IQANK1: variants seen among roughly 807,000 people sequenced by gnomAD.
IQANK1 encodes the protein IQ motif and ankyrin repeat domain-containing protein 1.
Under a neutral mutation model 22.6 loss-of-function variants are expected in IQANK1, and 30 were observed. The observed-to-expected ratio is 1.33, with a 90% CI of 0.99 to 1.80. IQANK1 has a LOEUF of 1.80. Ranked by LOEUF, IQANK1 falls within the 40% of genes most tolerant of loss-of-function variation. The pLI is 0.00. For missense variants in IQANK1, 275 were observed against 235.2 expected, an observed-to-expected ratio of 1.17 and a Z score of -1.11; for synonymous variants, 122 against 99.6, an observed-to-expected ratio of 1.23 and a Z score of -1.34.
At chr8:143,781,136 A>G (rs1819790374) in intron 7 of IQANK1, among the ~76,000 whole-genome samples, 1 of 152,064 alleles carries the variant, frequency 6.6e-6, no homozygotes, top group Non-Finnish European at 1.5e-5. Flanking sequence ...TATTTTGAAA[A>G]GTGTCTGTTC....
intron 3 of IQANK1, among the ~76,000 whole-genome samples, chr8:143,756,810 A>AT (rs1235448939): frequency 3.4e-5 from 5 of 146,080 alleles, no homozygotes; most frequent in East Asian, 4.8e-4. Context: ...TACTAAAAAA[A>AT]TTAAAAAAAA....
At chr8:143,743,289 A>C (rs1818961489) in intron 3 of IQANK1, among the ~76,000 whole-genome samples, 1 of 151,838 alleles carries the variant, frequency 6.6e-6, no homozygotes, top group Non-Finnish European at 1.5e-5. Context: ...TTCAGGGGCT[A>C]TTCCCAGGTG....
At chr8:143,756,521 C>T (rs370105842) in intron 3 of IQANK1, among the ~76,000 whole-genome samples, 16 of 152,182 alleles carry the variant, frequency 1.1e-4, no homozygotes, top group East Asian at 9.6e-4. Context: ...TCATGGTACT[C>T]GGTGTACCAT....
At chr8:143,765,549 T>C (rs1456659785) in intron 3 of IQANK1, among the ~76,000 whole-genome samples, 2 of 152,244 alleles carry the variant, frequency 1.3e-5, no homozygotes, top group Non-Finnish European at 2.9e-5. Flanking sequence ...GGGAAATGCC[T>C]GTTCATCTCT....
At position 143,771,984 on chromosome 8, in the gene IQANK1, A is replaced by G. The variant is rs1819584164; in HGVS notation, c.471+19A>G. The G allele has an allele frequency of 2.1e-5, 1 of 48,320 alleles. No individual in the cohort carries two copies. Among genetic ancestry groups the G allele is most frequent in the African/African-American group, 9.4e-5 (1 of 10,658 alleles). The allele number at this position is 48,320 out of a possible 1,614,324, so 3.0% of individuals were successfully genotyped here. On this transcript the variant is annotated intron_variant, in intron 5 of 13. Transcript: ENST00000527139. The surrounding 1 kb of genome is among the most constrained non-coding windows in gnomAD (Gnocchi z 6.0). ...GAAGGAGGTCAGCGGGGGCGGGAGG[A>G]GGACGAGGGCGGGGGGTGGGGTGGG...
At chr8:143,768,816 T>C (rs1284720569) in intron 3 of IQANK1, among the ~76,000 whole-genome samples, 2 of 152,192 alleles carry the variant, frequency 1.3e-5, no homozygotes, top group African/African-American at 4.8e-5. Context: ...GATTGCTTAT[T>C]GATGATAATC....
chr8:143,738,681 C>A (rs532487023), intron 2 of IQANK1, among the ~76,000 whole-genome samples: 2 of 152,198 alleles, frequency 1.3e-5, no homozygotes, highest in Non-Finnish European at 2.9e-5. Flanking sequence ...CTGCCCTGGG[C>A]GGCACCAATG....
At chr8:143,775,241 G>A (rs1819659933) in intron 7 of IQANK1, among the ~76,000 whole-genome samples, 1 of 151,992 alleles carries the variant, frequency 6.6e-6, no homozygotes, top group Non-Finnish European at 1.5e-5. Flanking sequence ...GGGGGAGCTT[G>A]TTAAGGGTAT....
intron 3 of IQANK1, among the ~76,000 whole-genome samples, chr8:143,756,305 G>T (rs181655918): frequency 6.6e-6 from 1 of 152,132 alleles, no homozygotes; most frequent in Non-Finnish European, 1.5e-5. Context: ...GCACACTCCT[G>T]ACTTAAGGCT....
In IQANK1 at chr8:143,790,421, C is replaced by T. The variant is rs1308066184; in HGVS notation, c.1496C>T (p.Ala499Val). ...LFPVVQRQLEAVQERYLSLLR... is the reference protein window; with the variant it reads ...LFPVVQRQLEVVQERYLSLLR... The stretch of plus-strand genomic sequence containing the variant: ...CCAGTCGTGCAGCGGCAGCTGGAGG[C>T]GGTGCAGGAGAGGTACCTGTCGCTG... Residue 499 changes from alanine to valine, a missense_variant, in exon 14 of 14, where the codon GCG becomes GTG. Transcript: ENST00000527139. 8.8e-6 allele frequency: 6 copies of T among 680,112 alleles called. No individual in the cohort carries two copies. The highest frequency in any genetic ancestry group is 3.4e-5 in the East Asian group (1 of 29,148). 42.1% of individuals were successfully genotyped at this position (680,112 alleles called of 1,614,324 possible).
intron 7 of IQANK1, among the ~76,000 whole-genome samples, chr8:143,773,326 C>CCAAAAAAAAA (rs1344107617): frequency 3.3e-5 from 4 of 121,580 alleles, no homozygotes; most frequent in African/African-American, 1.5e-4. Flanking sequence ...ACAAAAAAAA[C>CCAAAAAAAAA]ACAAAAAAAA....
intron 7 of IQANK1, among the ~76,000 whole-genome samples, chr8:143,775,713 G>A (rs1235742182): frequency 1.3e-5 from 2 of 151,546 alleles, no homozygotes; most frequent in Admixed American, 6.6e-5. Flanking sequence ...AGTGAGCTGA[G>A]ATCGCGCCAC....
At chr8:143,762,950 C>A (rs1554628970) in intron 3 of IQANK1, among the ~76,000 whole-genome samples, 1 of 149,220 alleles carries the variant, frequency 6.7e-6, no homozygotes, top group Non-Finnish European at 1.5e-5. Context: ...CTTTTTTTTT[C>A]TTTTCTCTTT....
chr8:143,782,267 A>T (rs1413266623), intron 7 of IQANK1, among the ~76,000 whole-genome samples: 3 of 152,172 alleles, frequency 2.0e-5, no homozygotes, highest in African/African-American at 7.2e-5. Context: ...AAACAGAAAC[A>T]GTTTGACTTC....
intron 7 of IQANK1, among the ~76,000 whole-genome samples, chr8:143,776,774 G>GA (rs1554630474): frequency 1.3e-5 from 2 of 152,114 alleles, no homozygotes; most frequent in African/African-American, 4.8e-5. Context: ...TAAGGCAGTT[G>GA]AATATTTAAT....
intron 3 of IQANK1, 82 bp downstream of exon 3, chr8:143,740,030 A>G (rs1359665342): frequency 3.3e-6 from 2 of 612,136 alleles, no homozygotes; most frequent in African/African-American, 3.7e-5. Context: ...GGACACGCTC[A>G]GTGTGGGCGC....
At chr8:143,772,617 C>T (rs1425638145) in intron 7 of IQANK1, 135 bp downstream of exon 7, 2 of 396,588 alleles carry the variant, frequency 5.0e-6, no homozygotes, top group East Asian at 3.6e-5. Context: ...AGGGAAGGCT[C>T]ACCCGACCGG....
At chr8:143,736,037 C>T in intron 2 of IQANK1, 99 bp downstream of exon 2, 1 of 663,096 alleles carries the variant, frequency 1.5e-6, no homozygotes, top group Non-Finnish European at 2.8e-6. Flanking sequence ...GAGGAGAGCC[C>T]TTCTTCCAAG....
At chr8:143,777,104 C>T (rs562790558) in intron 7 of IQANK1, among the ~76,000 whole-genome samples, 5 of 151,942 alleles carry the variant, frequency 3.3e-5, no homozygotes, top group South Asian at 4.2e-4. Flanking sequence ...CCAGCCTGGG[C>T]GACAGAGCAA....
Sources: gnomAD v4.1 joint callset for allele counts (sites outside exome capture counted in the v4.1 genomes callset) on GRCh38, gnomAD v4.1.1 for gene constraint, Gnocchi (gnomAD v3.1) non-coding constraint, MANE v1.5 for transcripts, NCBI Gene and HGNC (gene_info 2026-07-23, HGNC 2026-07-21) for gene names.